RARB: variants seen among roughly 807,000 people sequenced by gnomAD.
RARB encodes the protein retinoic acid receptor beta, also known as HBV-activated protein.
RARB carries 17 observed loss-of-function variants against 51.9 expected under a neutral mutation model. The ratio of observed to expected loss-of-function variants is 0.33; its 90% CI spans 0.22 to 0.49. The LOEUF is 0.49. RARB is among the 20% of genes least tolerant of loss of function. The probability of loss-of-function intolerance (pLI) is 0.99; values close to 1 mark genes in which losing one functional copy is unlikely to be tolerated. For missense variants in RARB, 369 were observed against 550.8 expected (o/e 0.67, Z 3.30); for synonymous variants, 215 against 195.4 (o/e 1.10, Z -0.84).
At chr3:25,409,557 T>A (rs1287243348) in intron 5 of RARB, among the ~76,000 whole-genome samples, 1 of 152,150 alleles carries the variant, frequency 6.6e-6, no homozygotes, top group Non-Finnish European at 1.5e-5. Context: ...TCCCAGAATC[T>A]TACACCTTTT....
chr3:25,083,728 T>G (rs1042933154), intron 3 of RARB, among the ~76,000 whole-genome samples: 1 of 152,190 alleles, frequency 6.6e-6, no homozygotes. Context: ...TGCTATGTTG[T>G]TGGGACTCTG....
chr3:25,191,894 CG>C (rs2125364161), intron 5 of RARB, among the ~76,000 whole-genome samples: 1 of 152,186 alleles, frequency 6.6e-6, no homozygotes, highest in South Asian at 2.1e-4. Flanking sequence ...TTTGCTGATG[CG>C]TAAGTTTTCC....
chr3:25,097,338 A>C (rs1699314510), intron 3 of RARB, among the ~76,000 whole-genome samples: 1 of 152,184 alleles, frequency 6.6e-6, no homozygotes, highest in African/African-American at 2.4e-5. Flanking sequence ...ACTCAAAGCA[A>C]ATTTGCAGGT....
chr3:25,023,487 A>G (rs781294420), intron 2 of RARB, among the ~76,000 whole-genome samples: 12 of 104,274 alleles, frequency 1.2e-4, no homozygotes, highest in Middle Eastern at 4.1e-3. Flanking sequence ...CACTCACAGG[A>G]TACACCGACG....
intron 3 of RARB, among the ~76,000 whole-genome samples, chr3:25,068,767 C>T (rs908627948): frequency 1.3e-5 from 2 of 152,036 alleles, no homozygotes; most frequent in East Asian, 3.9e-4. Flanking sequence ...ATAATGGAGG[C>T]GTCATCTATA....
intron 2 of RARB, among the ~76,000 whole-genome samples, chr3:25,463,051 T>C (rs1349528728): frequency 6.6e-6 from 1 of 152,170 alleles, no homozygotes; most frequent in Non-Finnish European, 1.5e-5. Flanking sequence ...AAAGCTTTTT[T>C]GTAGAGATGG....
chr3:25,361,998 C>G (rs894937365), intron 5 of RARB, among the ~76,000 whole-genome samples: 6 of 152,176 alleles, frequency 3.9e-5, no homozygotes, highest in African/African-American at 1.4e-4. Context: ...CTTAACAGAG[C>G]TTGAGTGCTA....
At chr3:25,105,684 G>A (rs1699486318) in intron 3 of RARB, among the ~76,000 whole-genome samples, 1 of 152,116 alleles carries the variant, frequency 6.6e-6, no homozygotes, top group African/African-American at 2.4e-5. Context: ...CCTTGTAGTT[G>A]GGATTGTTTC....
chr3:25,386,772 G>A (rs1232007565), intron 5 of RARB, among the ~76,000 whole-genome samples: 1 of 152,202 alleles, frequency 6.6e-6, no homozygotes, highest in Admixed American at 6.5e-5. Flanking sequence ...CCTCCCAAGA[G>A]ACTCTTCTGA....
intron 3 of RARB, among the ~76,000 whole-genome samples, chr3:25,567,673 T>C (rs1192868765): frequency 1.3e-5 from 2 of 152,160 alleles, no homozygotes; most frequent in African/African-American, 4.8e-5. Flanking sequence ...AGGAGAGGAA[T>C]TGCTGCGTCA....
chr3:25,561,082 C>A (rs1700249792), intron 3 of RARB, among the ~76,000 whole-genome samples: 1 of 152,290 alleles, frequency 6.6e-6, no homozygotes, highest in Non-Finnish European at 1.5e-5. Flanking sequence ...CCTGAGCTTA[C>A]ATAGTTAGTA....
chr3:25,447,304 C>T (rs956017285), intron 1 of RARB, among the ~76,000 whole-genome samples: 1 of 152,032 alleles, frequency 6.6e-6, no homozygotes, highest in Non-Finnish European at 1.5e-5. Context: ...AAGTCAAGGC[C>T]GCCAAAATCT....
chr3:24,921,502 G>A (rs1292055354), intron 2 of RARB, among the ~76,000 whole-genome samples: 2 of 152,170 alleles, frequency 1.3e-5, no homozygotes, highest in African/African-American at 4.8e-5. Context: ...CCTTGCACCA[G>A]CACAGCCCAC....
intron 2 of RARB, among the ~76,000 whole-genome samples, chr3:24,980,834 G>A (rs1696648482): frequency 6.6e-6 from 1 of 152,158 alleles, no homozygotes; most frequent in African/African-American, 2.4e-5. Flanking sequence ...TCCTTTGGAG[G>A]AGAAGAGGCA....
At chr3:25,355,683 T>C (rs1358429028) in intron 5 of RARB, among the ~76,000 whole-genome samples, 1 of 152,160 alleles carries the variant, frequency 6.6e-6, no homozygotes, top group East Asian at 1.9e-4. Flanking sequence ...TATAATCATG[T>C]GTTATCAGAC....
At chr3:25,010,279 G>C (rs56399650) in intron 2 of RARB, among the ~76,000 whole-genome samples, 4 of 150,898 alleles carry the variant, frequency 2.7e-5, no homozygotes, top group African/African-American at 9.8e-5. Flanking sequence ...TTAAAATTCC[G>C]TTCTCTGTAA....
At chr3:25,067,909 G>C (rs1004941137) in intron 3 of RARB, among the ~76,000 whole-genome samples, 20 of 152,074 alleles carry the variant, frequency 1.3e-4, no homozygotes, top group African/African-American at 4.3e-4. Flanking sequence ...AGCTGAGGCA[G>C]GTGGATCACT....
chr3:25,488,318 G>A (rs1443090638), intron 2 of RARB, among the ~76,000 whole-genome samples: 1 of 152,104 alleles, frequency 6.6e-6, no homozygotes, highest in African/African-American at 2.4e-5. Context: ...CATGTCCAAG[G>A]AAATGTTCAG....
chr3:25,507,856 G>A (rs1345461278), intron 3 of RARB, among the ~76,000 whole-genome samples: 2 of 152,174 alleles, frequency 1.3e-5, no homozygotes, highest in Admixed American at 1.3e-4. Context: ...GGTTAGGCTA[G>A]GTTCCCATGG....
Sources: gnomAD v4.1 joint callset for allele counts (sites outside exome capture counted in the v4.1 genomes callset) on GRCh38, gnomAD v4.1.1 for gene constraint, MANE v1.5 for transcripts, NCBI Gene and HGNC (gene_info 2026-07-23, HGNC 2026-07-21) for gene names.